MFNG: variants seen among roughly 807,000 people sequenced by gnomAD.
MFNG encodes MFNG O-fucosylpeptide 3-beta-N-acetylglucosaminyltransferase.
In MFNG, 24 loss-of-function variants were observed where a neutral mutation model predicts 34.2. The ratio of observed to expected loss-of-function variants is 0.70; its 90% CI spans 0.51 to 0.99. The LOEUF (loss-of-function observed/expected upper bound fraction) is 0.99, where lower values mean the gene tolerates loss of function less well. Ranked by LOEUF, MFNG falls within the 50% of genes least tolerant of loss-of-function variation. MFNG has a pLI of 0.00. For synonymous variants in MFNG, 158 were observed against 179.2 expected (o/e 0.88, Z 0.94); for missense variants, 383 against 424.0 (o/e 0.90, Z 0.85).
rs1335678264 is a variant in MFNG, at chr22:37,486,207, GC to G, written c.-31del. The G allele has an allele frequency of 6.7e-7, 1 of 1,503,688 alleles. No homozygotes were observed. The highest frequency in any genetic ancestry group is 1.3e-5 in the South Asian group (1 of 77,452). The allele number at this position is 1,503,688 out of a possible 1,614,324, so 93.1% of individuals were successfully genotyped here. On this transcript the variant is annotated 5_prime_UTR_variant, in exon 1 of 8. The change abolishes the stop of an existing upstream ORF in the 5' untranslated region. Coordinates refer to ENST00000356998, the MANE Select transcript of MFNG (RefSeq NM_002405.4). ...TGGCCCTGGGACCCCAGACAGCTCA[GC>G]CCCCAAATCCCAACCAGACAGGGAG...
At chr22:37,471,929 C>G (rs1270281415) in intron 7 of MFNG, among the ~76,000 whole-genome samples, 1 of 151,322 alleles carries the variant, frequency 6.6e-6, no homozygotes, top group African/African-American at 2.4e-5. Context: ...CTGCTCTAGA[C>G]CAGTCAGGAG....
intron 7 of MFNG, among the ~76,000 whole-genome samples, chr22:37,471,693 T>C (rs937873857): frequency 1.3e-5 from 2 of 151,974 alleles, no homozygotes; most frequent in African/African-American, 4.8e-5. Flanking sequence ...TAGCCAGGCA[T>C]GGTGGCAGGC....
At chr22:37,472,993 G>T (rs149726658) in intron 6 of MFNG, among the ~76,000 whole-genome samples, 3 of 152,162 alleles carry the variant, frequency 2.0e-5, no homozygotes, top group African/African-American at 7.2e-5. Flanking sequence ...TGTGGGCATA[G>T]GGACCACCCA....
intron 5 of MFNG, among the ~76,000 whole-genome samples, chr22:37,476,609 A>C (rs1922052434): frequency 2.6e-5 from 4 of 151,900 alleles, no homozygotes; most frequent in African/African-American, 4.8e-5. Flanking sequence ...CCCTTACTAC[A>C]CCATTGGCCA....
Position 37,479,460 on chromosome 22 carries a change from G to T in MFNG, c.446C>A (p.Pro149Gln), listed in dbSNP as rs372656414. The T allele has an allele frequency of 1.3e-5, 21 of 1,610,950 alleles. No homozygotes were observed. The African/African-American group carries it at 2.8e-4, about 22-fold the overall frequency. Residue 149 changes from proline (P) to glutamine (Q), a missense_variant, in exon 4 of 8, where the codon CCA (proline) becomes CAA (glutamine). Coordinates refer to ENST00000356998, the MANE Select transcript of MFNG (RefSeq NM_002405.4). Reference sequence around the variant, plus strand: ...TCTCAGAAGCTGCAGCAGCGCCCTTGGGTTCACATAGTTGTCATCGTCCAC... The same window carrying T: ...TCTCAGAAGCTGCAGCAGCGCCCTTTGGTTCACATAGTTGTCATCGTCCAC... ...CHVDDDNYVN[P>Q]RALLQLLRAF... is the part of the protein sequence containing the mutation.
intron 6 of MFNG, 187 bp from the exon 7 acceptor site, chr22:37,472,715 C>T (rs569224798): frequency 1.9e-6 from 1 of 534,658 alleles, no homozygotes; most frequent in South Asian, 2.5e-5. Flanking sequence ...AGAGCACTGC[C>T]ATGCCCTTAA....
chr22:37,475,806 C>G lies in MFNG; in HGVS notation c.647+1090G>C, dbSNP rs147134452. Among the ~76,000 whole-genome samples, 107 of 152,294 alleles carry G rather than the reference C, an allele frequency of 7.0e-4. 1 individual carries two copies. The highest frequency in any genetic ancestry group is 2.5e-3 in the African/African-American group (104 of 41,560). On this transcript the variant is annotated intron_variant, in intron 5 of 7. Coordinates refer to ENST00000356998, the MANE Select transcript of MFNG (RefSeq NM_002405.4). ...CACACAAAGGTAATTTAGAGGTGGG[C>G]AGAAGCCTGGGTGGGGGCACCCCAG...
intron 4 of MFNG, among the ~76,000 whole-genome samples, chr22:37,477,807 G>C (rs1922109717): frequency 6.6e-6 from 1 of 152,162 alleles, no homozygotes; most frequent in Non-Finnish European, 1.5e-5. Flanking sequence ...CCAAGGACTT[G>C]GAGAGATGAC....
Position 37,469,686 on chromosome 22 carries a change from G to T in MFNG, c.*277C>A. 1 of 534,320 alleles carries T rather than the reference G, an allele frequency of 1.9e-6. No homozygotes were observed. Among genetic ancestry groups the T allele is most frequent in the South Asian group, 1.9e-5 (1 of 53,342 alleles). The allele number at this position is 534,320 out of a possible 1,614,324, so 33.1% of individuals were successfully genotyped here. On this transcript the variant is annotated 3_prime_UTR_variant, in exon 8 of 8. Coordinates refer to ENST00000356998, the MANE Select transcript of MFNG (RefSeq NM_002405.4). ...CCCCAGCCCAGCTCAAGTGCCCCCTGCCCTTTTTCAATTCAGCCTCCTGAG... is the reference window on the plus strand; with the variant it reads ...CCCCAGCCCAGCTCAAGTGCCCCCTTCCCTTTTTCAATTCAGCCTCCTGAG...
intron 4 of MFNG, 49 bp from the exon 5 acceptor site, chr22:37,477,030 G>A (rs779118218): frequency 1.3e-6 from 2 of 1,541,978 alleles, no homozygotes; most frequent in East Asian, 2.2e-5. Context: ...TGGCAGTTGT[G>A]GGGAAAAGGG....
Position 37,480,338 on chromosome 22 carries a change from T to TC in MFNG, c.305-40dup, listed in dbSNP as rs543074574. The TC allele has an allele frequency of 5.7e-5, 88 of 1,535,346 alleles. No homozygotes were observed. The East Asian group carries it at 9.0e-4, about 16-fold the overall frequency. ...GAGGAGTCAGGGGACCCTGCCCAGG[T>TC]CCCCCCTTCAGAGCCCTGAACACAG... On this transcript the variant is annotated intron_variant, in intron 2 of 7. Transcript: ENST00000356998.
intron 2 of MFNG, 151 bp from the exon 3 acceptor site, chr22:37,480,450 G>T: frequency 1.5e-6 from 1 of 685,006 alleles, no homozygotes. Flanking sequence ...CCCGGGGAAG[G>T]CAGACCTGCC....
In MFNG at chr22:37,476,916, C is replaced by T; in HGVS notation, c.627G>A (p.Leu209=). 6.2e-7 allele frequency: 1 copy of T among 1,608,090 alleles called. No individual in the cohort carries two copies. The highest frequency in any genetic ancestry group is 8.5e-7 in the Non-Finnish European group (1 of 1,176,496). ...CTTACCTGGCCCACGGAGCCATCTT[C>T]AAAGCCAGTTTGCGATTGATGCAGA... ...AGFCINRKLA[L]KMAPWASGSR... Residue 209 remains leucine (L), a synonymous_variant, in exon 5 of 8, where the codon TTG becomes TTA. Transcript: ENST00000356998.
At chr22:37,479,264 C>A in intron 4 of MFNG, 81 bp downstream of exon 4, 1 of 1,444,842 alleles carries the variant, frequency 6.9e-7, no homozygotes, top group Non-Finnish European at 9.1e-7. Context: ...TCTCACCTCT[C>A]TAGCACACCC....
chr22:37,480,848 G>C, intron 1 of MFNG, 79 bp from the exon 2 acceptor site: 1 of 1,252,824 alleles, frequency 8.0e-7, no homozygotes. Context: ...ACCACCACCA[G>C]GCCCCAGATG....
rs1922521567 is a variant in MFNG at position 37,485,795 on chromosome 22, C to T, written c.255+128G>A. 1 of 1,157,352 alleles carries T rather than the reference C, an allele frequency of 8.6e-7. No individual in the cohort carries two copies. Among genetic ancestry groups the T allele is most frequent in the Non-Finnish European group, 1.2e-6 (1 of 833,402 alleles). The allele number at this position is 1,157,352 out of a possible 1,614,324, so 71.7% of individuals were successfully genotyped here. On this transcript the variant is annotated intron_variant, in intron 1 of 7. Transcript: ENST00000356998. This position sits in a 1 kb window ranked among gnomAD's most constrained non-coding sequence, Gnocchi z 5.3. ...CGGAAGAAGGAGAGAGGAAGAGGAT[C>T]CCTGATTAGGCAGGTATTGAGCAGC...
chr22:37,474,549 G>A lies in MFNG; in HGVS notation c.776C>T (p.Thr259Ile). The A allele has an allele frequency of 6.2e-7, 1 of 1,614,138 alleles. No homozygotes were observed. The highest frequency in any genetic ancestry group is 8.5e-7 in the Non-Finnish European group (1 of 1,179,998). Reference sequence around the variant, plus strand: ...CTGTGCAGTCCTCAGCAGCTGCAGGGTCTCCAGGTGGGAGTGAAAGAGGGG... The same window carrying A: ...CTGTGCAGTCCTCAGCAGCTGCAGGATCTCCAGGTGGGAGTGAAAGAGGGG... The part of the protein sequence containing the change: ...PSPLFHSHLE[T>I]LQLLRTAQLP... Residue 259 changes from threonine to isoleucine, a missense_variant, in exon 6 of 8, where the codon ACC becomes ATC. Coordinates refer to ENST00000356998, the MANE Select transcript of MFNG (RefSeq NM_002405.4).
intron 3 of MFNG, among the ~76,000 whole-genome samples, chr22:37,479,740 AC>A (rs1922205766): frequency 6.6e-6 from 1 of 152,162 alleles, no homozygotes; most frequent in Admixed American, 6.5e-5. Flanking sequence ...GTGGTGGCTC[AC>A]GCCTGTAAGC....
At position 37,469,413 on chromosome 22, in the gene MFNG, G is replaced by C. The variant is rs1030424198; in HGVS notation, c.*550C>G. The C allele has an allele frequency of 4.9e-6, 1 of 204,634 alleles. No homozygotes were observed. Among genetic ancestry groups the C allele is most frequent in the Non-Finnish European group, 1.0e-5 (1 of 98,776 alleles). The allele number at this position is 204,634 out of a possible 1,614,324, so 12.7% of individuals were successfully genotyped here. ...GAGGCTCCAAACAAAATCTGGTCCT[G>C]TTCGCAAGGGGTGGGGAGCAAGGAG... On this transcript the variant is annotated 3_prime_UTR_variant, in exon 8 of 8. Transcript: ENST00000356998.
Sources: gnomAD v4.1 joint callset for allele counts (sites outside exome capture counted in the v4.1 genomes callset) on GRCh38, gnomAD v4.1.1 for gene constraint, Gnocchi (gnomAD v3.1) non-coding constraint, MANE v1.5 for transcripts, NCBI Gene and HGNC (gene_info 2026-07-23, HGNC 2026-07-21) for gene names.